The following NCOR1 variants were observed in gnomAD, a reference collection of about 807,000 sequenced individuals.
The protein encoded by NCOR1 is nuclear receptor corepressor 1.
A neutral mutation model predicts 288.1 loss-of-function variants in NCOR1; 63 were observed. That is an observed-to-expected ratio of 0.22 (90% confidence interval 0.18 to 0.27). The LOEUF (loss-of-function observed/expected upper bound fraction) is 0.27, where lower values mean the gene tolerates loss of function less well. Among genes scored for constraint, NCOR1 ranks in the 10% least tolerant of loss-of-function variants. NCOR1 has a pLI of 1.00. For missense variants in NCOR1, 2,397 were observed against 3,019.2 expected (o/e 0.79, Z 4.83); for synonymous variants, 1,007 against 1,065.9 (o/e 0.94, Z 1.08).
At chr17:16,082,502 G>A (rs533103944) in intron 23 of NCOR1, among the ~76,000 whole-genome samples, 10 of 152,170 alleles carry the variant, frequency 6.6e-5, no homozygotes, top group African/African-American at 2.2e-4. Context: ...GATCGCTTGA[G>A]GCCAAGAGTC....
At chr17:16,137,222 C>A in intron 14 of NCOR1, 89 bp downstream of exon 14, 1 of 698,968 alleles carries the variant, frequency 1.4e-6, no homozygotes, top group Middle Eastern at 2.4e-4. Context: ...TTAAACTACA[C>A]ACTAAGGGCA....
At chr17:16,191,053 T>A (rs1310810016) in intron 2 of NCOR1, among the ~76,000 whole-genome samples, 1 of 152,224 alleles carries the variant, frequency 6.6e-6, no homozygotes, top group Non-Finnish European at 1.5e-5. Flanking sequence ...AGAGAAAGAT[T>A]TCCTAAACTC....
chr17:16,093,901 T>A (rs2065861052), intron 21 of NCOR1, among the ~76,000 whole-genome samples: 2 of 152,108 alleles, frequency 1.3e-5, no homozygotes, highest in South Asian at 4.1e-4. Context: ...ACCTTTACGA[T>A]AATTTTTTTT....
At chr17:16,149,107 T>C (rs2078470404) in intron 9 of NCOR1, among the ~76,000 whole-genome samples, 1 of 152,064 alleles carries the variant, frequency 6.6e-6, no homozygotes, top group African/African-American at 2.4e-5. Flanking sequence ...CTCATCAGCA[T>C]GACTGCAACT....
intron 7 of NCOR1, 124 bp downstream of exon 7, chr17:16,153,215 A>G (rs762320333): frequency 8.0e-5 from 51 of 639,960 alleles, no homozygotes; most frequent in Non-Finnish European, 1.3e-4. Context: ...ATCTCAAGCT[A>G]CATCTCTGCT....
At chr17:16,154,883 T>C (rs984919084) in intron 6 of NCOR1, among the ~76,000 whole-genome samples, 1 of 151,962 alleles carries the variant, frequency 6.6e-6, no homozygotes, top group African/African-American at 2.4e-5. Flanking sequence ...ATTTAGGAGG[T>C]GGGACTAACG....
chr17:16,166,445 C>A (rs570337367), intron 4 of NCOR1, among the ~76,000 whole-genome samples: 13 of 152,264 alleles, frequency 8.5e-5, no homozygotes, highest in African/African-American at 3.1e-4. Context: ...CTTTGGGATG[C>A]TGACGCAGGC....
intron 2 of NCOR1, among the ~76,000 whole-genome samples, chr17:16,187,806 G>T (rs2087005102): frequency 6.6e-6 from 1 of 151,710 alleles, no homozygotes; most frequent in Non-Finnish European, 1.5e-5. Flanking sequence ...AGGCTAAGGT[G>T]GGAGGCTTGC....
At chr17:16,039,186 CAAAT>C (rs1335144649) in intron 44 of NCOR1, 2 of 496,662 alleles carry the variant, frequency 4.0e-6, no homozygotes, top group East Asian at 7.0e-5. Flanking sequence ...TAGGTGCAAA[CAAAT>C]AAAAAATGGA....
chr17:16,158,827 G>T lies in NCOR1; in HGVS notation c.665C>A (p.Pro222His). Residue 222 changes from proline (P) to histidine (H), a missense_variant, in exon 6 of 46, where the codon CCC becomes CAC. By Grantham distance (77) the Pro-to-His change is moderately conservative. This residue lies in a region of NCOR1 where 76 missense variants were observed against 102.2 expected (regional missense o/e 0.74). Transcript: ENST00000268712. Reference protein sequence around the residue: ...EAAKPPEPEKPVSPPPVEQKH... With the variant: ...EAAKPPEPEKHVSPPPVEQKH... ...CTGCTCCACAGGAGGAGGGGACACGGGCTTCTCAGGCTCAGGAGGTTTAGC... is the reference window on the plus strand; with the variant it reads ...CTGCTCCACAGGAGGAGGGGACACGTGCTTCTCAGGCTCAGGAGGTTTAGC... The T allele has an allele frequency of 6.2e-7, 1 of 1,614,096 alleles. No individual in the cohort carries two copies. The highest frequency in any genetic ancestry group is 1.1e-5 in the South Asian group (1 of 91,082).
intron 14 of NCOR1, among the ~76,000 whole-genome samples, chr17:16,127,153 CTGTATGTATATATACATGTATGT>C (rs2074242035): frequency 7.8e-6 from 1 of 128,814 alleles, no homozygotes; most frequent in African/African-American, 3.6e-5. Flanking sequence ...ATGTATATAT[CTGTATGTATATATACATGTATGT>C]ATATATCTGT....
At chr17:16,047,890 T>C (rs1201745017) in intron 41 of NCOR1, among the ~76,000 whole-genome samples, 2 of 152,218 alleles carry the variant, frequency 1.3e-5, no homozygotes, top group Admixed American at 1.3e-4. Flanking sequence ...ACATGGTCCC[T>C]GTCCTCAAAA....
At chr17:16,149,405 A>G in intron 9 of NCOR1, 46 bp downstream of exon 9, 2 of 1,153,428 alleles carry the variant, frequency 1.7e-6, no homozygotes, top group Non-Finnish European at 2.5e-6. Flanking sequence ...AATGAGCATG[A>G]ATGGGAAAGC....
intron 14 of NCOR1, among the ~76,000 whole-genome samples, chr17:16,133,966 GGATTA>G (rs2076029824): frequency 6.6e-6 from 1 of 152,070 alleles, no homozygotes; most frequent in African/African-American, 2.4e-5. Flanking sequence ...CAAGTCAATG[GGATTA>G]TTAAAACAAC....
At position 16,071,450 on chromosome 17, in the gene NCOR1, C is replaced by G. The variant is rs753885065; in HGVS notation, c.4111G>C (p.Val1371Leu). The G allele has an allele frequency of 6.2e-7, 1 of 1,614,174 alleles. No individual in the cohort carries two copies. The highest frequency in any genetic ancestry group is 1.6e-4 in the Middle Eastern group (1 of 6,062). ...TQESRKTPEV[V>L]QSTRPIIEGS... is the part of the protein sequence containing the mutation. The stretch of plus-strand genomic sequence containing the variant: ...TCAATTATCGGCCGTGTGCTCTGGA[C>G]CACTTCTGGAGTTTTCCGACTTTCC... The change falls in exon 30 of 46, where the codon GTC becomes CTC. Residue 1371 changes from valine (V) to leucine (L), a missense_variant. Transcript: ENST00000268712.
chr17:16,064,084 G>T lies in NCOR1; in HGVS notation c.5205C>A (p.Asp1735Glu). 6.2e-7 allele frequency: 1 copy of T among 1,614,058 alleles called. No individual in the cohort carries two copies. Among genetic ancestry groups the T allele is most frequent in the Non-Finnish European group, 8.5e-7 (1 of 1,180,008 alleles). Reference protein sequence around the residue: ...ERERIAAASSDLYLRPGSEQP... With the variant: ...ERERIAAASSELYLRPGSEQP... ...TTCACTGACCTGGCCGCAGGTAGAG[G>T]TCGGAGGAAGCTGCAGCAATCCGTT... The change falls in exon 35 of 46, where the codon GAC becomes GAA. Residue 1735 changes from aspartate (D) to glutamate (E), a missense_variant. Transcript: ENST00000268712.
intron 33 of NCOR1, 75 bp from the exon 34 acceptor site, chr17:16,065,094 T>C: frequency 1.5e-6 from 2 of 1,378,618 alleles, no homozygotes; most frequent in Non-Finnish European, 2.0e-6. Flanking sequence ...TTGGATTTTG[T>C]CTATCTCTGT....
At chr17:16,123,541 A>AG (rs1190561977) in intron 15 of NCOR1, among the ~76,000 whole-genome samples, 1 of 152,222 alleles carries the variant, frequency 6.6e-6, no homozygotes, top group Non-Finnish European at 1.5e-5. Context: ...ACAGACACAC[A>AG]GCACAGCCTC....
intron 18 of NCOR1, among the ~76,000 whole-genome samples, chr17:16,114,763 A>T (rs909892819): frequency 9.9e-5 from 15 of 152,240 alleles, no homozygotes; most frequent in Admixed American, 9.8e-4. Flanking sequence ...GGGCAGCTCC[A>T]ATCCTGTGGC....
Sources: gnomAD v4.1 joint callset for allele counts (sites outside exome capture counted in the v4.1 genomes callset) on GRCh38, gnomAD v4.1.1 for gene constraint, gnomAD v4.1.1 regional missense constraint, MANE v1.5 for transcripts, NCBI Gene and HGNC (gene_info 2026-07-23, HGNC 2026-07-21) for gene names.